The following GSTM3 variants were observed in gnomAD, a reference collection of about 807,000 sequenced individuals.
The protein encoded by GSTM3 is glutathione S-transferase mu 3.
Under a neutral mutation model 36.1 loss-of-function variants are expected in GSTM3, and 34 were observed. The ratio of observed to expected loss-of-function variants is 0.94; its 90% confidence interval spans 0.72 to 1.25. GSTM3 has a LOEUF of 1.25. GSTM3 is among the 50% of genes most tolerant of loss of function. The probability of loss-of-function intolerance (pLI) is 0.00; values close to 1 mark genes in which losing one functional copy is unlikely to be tolerated. For synonymous variants in GSTM3, 102 were observed against 99.5 expected (o/e 1.03, Z -0.15); for missense variants, 266 against 281.6 (o/e 0.94, Z 0.40).
Position 109,736,011 on chromosome 1 carries a change from A to G in GSTM3, c.*1060T>C, listed in dbSNP as rs1649190510. ...ATTTAAATTTTACAATTGTCCTCCA[A>G]AGTAGCTATACTAATTTACAACTTG... On this transcript the variant is annotated 3_prime_UTR_variant, in exon 9 of 9. Coordinates refer to ENST00000361066, the MANE Select transcript of GSTM3 (RefSeq NM_000849.5). The G allele has an allele frequency of 6.6e-6, 1 of 152,132 alleles. No homozygotes were observed. The allele number at this position is 152,132 out of a possible 1,614,324, so 9.4% of individuals were successfully genotyped here. A position where few individuals can be genotyped will look rare whatever the true frequency, so the allele number is the denominator to read the frequency against.
chr1:109,739,598 G>T, intron 3 of GSTM3, 105 bp from the exon 4 acceptor site: 1 of 857,200 alleles, frequency 1.2e-6, no homozygotes, highest in South Asian at 1.5e-5. Flanking sequence ...AAATTCCCAG[G>T]CCCCAAAAGC....
At chr1:109,738,027 T>C (rs1649255315) in intron 6 of GSTM3, 64 bp downstream of exon 6, 1 of 1,010,112 alleles carries the variant, frequency 9.9e-7, no homozygotes, top group Non-Finnish European at 1.6e-6. Flanking sequence ...GAGATAACCC[T>C]TGGGTTCCTA....
At position 109,738,366 on chromosome 1, in the gene GSTM3, G is replaced by A. The variant is rs1019761593; in HGVS notation, c.190C>T (p.Leu64=). 1 of 1,610,268 alleles carries A rather than the reference G, an allele frequency of 6.2e-7. No individual in the cohort carries two copies. Among genetic ancestry groups the A allele is most frequent in the African/African-American group, 1.3e-5 (1 of 74,962 alleles). ...KFKLDLDFPN[L]PYLLDGKNKI... is the part of the protein sequence containing the mutation. ...TTCTTCCCATCCAGGAGGTAGGGCAGCTGAAAGGAAAAGGACAGGACAAAT... is the reference window on the plus strand; with the variant it reads ...TTCTTCCCATCCAGGAGGTAGGGCAACTGAAAGGAAAAGGACAGGACAAAT... Residue 64 remains leucine (L), a splice_region_variant and synonymous_variant, in exon 5 of 9, where the codon CTG becomes TTG. Coordinates refer to ENST00000361066, the MANE Select transcript of GSTM3 (RefSeq NM_000849.5).
At position 109,740,415 on chromosome 1, in the gene GSTM3, TGCCTCCGC is replaced by T. The variant is rs2101354879; in HGVS notation, c.-136_-129del. On this transcript the variant is annotated 5_prime_UTR_variant, in exon 2 of 9. Transcript: ENST00000361066. ...CGCCTCCGCCCCGTTCTCCGTCCCTTGCCTCCGCGGCTCCACAGGGCCGTGCGCAGGCG... is the reference window on the plus strand; with the variant it reads ...CGCCTCCGCCCCGTTCTCCGTCCCTTGGCTCCACAGGGCCGTGCGCAGGCG... The T allele has an allele frequency of 2.5e-6, 2 of 784,662 alleles. No individual in the cohort carries two copies. Among genetic ancestry groups the T allele is most frequent in the Admixed American group, 4.9e-5 (2 of 40,642 alleles). The allele number at this position is 784,662 out of a possible 1,614,324, so 48.6% of individuals were successfully genotyped here. A position where few individuals can be genotyped will look rare whatever the true frequency, so the allele number is the denominator to read the frequency against.
At position 109,735,200 on chromosome 1, in the gene GSTM3, G is replaced by A. The variant is rs1357292067; in HGVS notation, c.*1871C>T. On this transcript the variant is annotated 3_prime_UTR_variant, in exon 9 of 9. Coordinates refer to ENST00000361066, the MANE Select transcript of GSTM3 (RefSeq NM_000849.5). The stretch of plus-strand genomic sequence containing the variant: ...ATCTTTTTTATTTTTTTAAGAGACA[G>A]GGTCTTGCTCAGTCACCCAGATTGG... 1 of 152,138 alleles carries A rather than the reference G, an allele frequency of 6.6e-6. No individual in the cohort carries two copies. Among genetic ancestry groups the A allele is most frequent in the Non-Finnish European group, 1.5e-5 (1 of 68,046 alleles). The allele number at this position is 152,138 out of a possible 1,614,324, so 9.4% of individuals were successfully genotyped here.
At chr1:109,739,942 T>G (rs753022406) in intron 2 of GSTM3, 34 bp from the exon 3 acceptor site, 4 of 1,446,876 alleles carry the variant, frequency 2.8e-6, no homozygotes. Flanking sequence ...ACTGCGCAGC[T>G]CCCACCCATT....
At chr1:109,739,721 T>G in intron 3 of GSTM3, 112 bp downstream of exon 3, 1 of 808,354 alleles carries the variant, frequency 1.2e-6, no homozygotes, top group South Asian at 1.6e-5. Context: ...TCACCCAGAT[T>G]GGGGCAAACG....
At chr1:109,740,002 G>T in intron 2 of GSTM3, 94 bp from the exon 3 acceptor site, 2 of 1,103,756 alleles carry the variant, frequency 1.8e-6, no homozygotes, top group Non-Finnish European at 2.7e-6. Context: ...CCGAGTCCCT[G>T]CGTCCTGCCG....
rs747271780 is a variant in GSTM3, at chr1:109,735,633, G to GAGTTTTTTTTT, written c.*1437_*1438insAAAAAAAAACT. 8.2e-5 allele frequency: 5 copies of GAGTTTTTTTTT among 60,720 alleles called. 2 individuals carry two copies. The highest frequency in any genetic ancestry group is 1.1e-4 in the Non-Finnish European group (3 of 28,564). 3.8% of individuals were successfully genotyped at this position (60,720 alleles called of 1,614,324 possible). Reference sequence around the variant, plus strand: ...CATCTTAGTATATGTCTCTTTGAATGTTTTTTTTTTTTTTTTTTTTTTTTT... The same window carrying GAGTTTTTTTTT: ...CATCTTAGTATATGTCTCTTTGAATGAGTTTTTTTTTTTTTTTTTTTTTTTTTTTTTTTTTT... On this transcript the variant is annotated 3_prime_UTR_variant, in exon 9 of 9. Coordinates refer to ENST00000361066, the MANE Select transcript of GSTM3 (RefSeq NM_000849.5).
chr1:109,738,883 G>A (rs1649287304), intron 4 of GSTM3, among the ~76,000 whole-genome samples: 1 of 152,202 alleles, frequency 6.6e-6, no homozygotes, highest in Non-Finnish European at 1.5e-5. Context: ...CACTTTGGAA[G>A]GCCGAGGTGG....
In GSTM3 at chr1:109,736,597, A is replaced by G. The variant is rs1453669090; in HGVS notation, c.*474T>C. ...TGGGGCTCTATTATTTTTAATGAGTAAGCAATTGTCCCAACTCTATTGGCT... is the reference window on the plus strand; with the variant it reads ...TGGGGCTCTATTATTTTTAATGAGTGAGCAATTGTCCCAACTCTATTGGCT... On this transcript the variant is annotated 3_prime_UTR_variant, in exon 9 of 9. Transcript: ENST00000361066. 1 of 152,592 alleles carries G rather than the reference A, an allele frequency of 6.6e-6. No individual in the cohort carries two copies. Among genetic ancestry groups the G allele is most frequent in the Non-Finnish European group, 1.5e-5 (1 of 68,340 alleles). 9.5% of individuals were successfully genotyped at this position (152,592 alleles called of 1,614,324 possible). A position where few individuals can be genotyped will look rare whatever the true frequency, so the allele number is the denominator to read the frequency against.
In GSTM3 at chr1:109,740,457, G is replaced by A; in HGVS notation, c.-170C>T. On this transcript the variant is annotated 5_prime_UTR_variant, in exon 2 of 9. Coordinates refer to ENST00000361066, the MANE Select transcript of GSTM3 (RefSeq NM_000849.5). ...AGGGCCGTGCGCAGGCGCGACTAAT[G>A]CCGGCGTTGGGGTTCAGGGCCTGGC... 1 of 624,960 alleles carries A rather than the reference G, an allele frequency of 1.6e-6. No homozygotes were observed. Among genetic ancestry groups the A allele is most frequent in the Non-Finnish European group, 2.8e-6 (1 of 360,228 alleles). 38.7% of individuals were successfully genotyped at this position (624,960 alleles called of 1,614,324 possible). A position where few individuals can be genotyped will look rare whatever the true frequency, so the allele number is the denominator to read the frequency against.
In GSTM3 at chr1:109,739,825, G is replaced by A. The variant is rs1649313730; in HGVS notation, c.124+8C>T. On this transcript the variant is annotated splice_region_variant and intron_variant, in intron 3 of 8. Coordinates refer to ENST00000361066, the MANE Select transcript of GSTM3 (RefSeq NM_000849.5). ...GCTTGGCTGCACGGGCACGCGGAGC[G>A]GCATTACCTTCCCCGCACGTGTACC... 7 of 1,542,376 alleles carry A rather than the reference G, an allele frequency of 4.5e-6. No homozygotes were observed. Among genetic ancestry groups the A allele is most frequent in the African/African-American group, 1.4e-5 (1 of 72,906 alleles).
intron 2 of GSTM3, 37 bp downstream of exon 2, chr1:109,740,202 CT>C: frequency 6.3e-7 from 1 of 1,594,124 alleles, no homozygotes; most frequent in East Asian, 2.2e-5. Context: ...GCGTCAGTCT[CT>C]TTGACCGAGC....
rs559898749 is a variant in GSTM3 at position 109,734,258 on chromosome 1, G to C, written c.*2813C>G. ...TTATAATGAGCTGGGTTAAATTAGG[G>C]ACATTTAGGCTGATTTATTGTGCCC... is the stretch of plus-strand genomic sequence containing the variant. On this transcript the variant is annotated 3_prime_UTR_variant, in exon 9 of 9. Transcript: ENST00000361066. 9 of 152,200 alleles carry C rather than the reference G, an allele frequency of 5.9e-5. No individual in the cohort carries two copies. Among genetic ancestry groups the C allele is most frequent in the Admixed American group, 1.3e-4 (2 of 15,282 alleles). The allele number at this position is 152,200 out of a possible 1,614,324, so 9.4% of individuals were successfully genotyped here.
At position 109,739,504 on chromosome 1, in the gene GSTM3, C is replaced by T. The variant is rs200315626; in HGVS notation, c.125-11G>A. On this transcript the variant is annotated splice_polypyrimidine_tract_variant and intron_variant, in intron 3 of 8. Coordinates refer to ENST00000361066, the MANE Select transcript of GSTM3 (RefSeq NM_000849.5). ...GATCATAGTCAGGAGCTGTAAGAGACGGAATTAAGTGGGACCCAACCTCCT... is the reference window on the plus strand; with the variant it reads ...GATCATAGTCAGGAGCTGTAAGAGATGGAATTAAGTGGGACCCAACCTCCT... 37 of 1,607,264 alleles carry T rather than the reference C, an allele frequency of 2.3e-5. No homozygotes were observed. The highest frequency in any genetic ancestry group is 1.9e-4 in the African/African-American group (14 of 74,866).
intron 3 of GSTM3, 37 bp from the exon 4 acceptor site, chr1:109,739,530 T>C (rs1553239262): frequency 6.8e-7 from 1 of 1,460,290 alleles, no homozygotes; most frequent in Admixed American, 1.7e-5. Context: ...CCAACCTCCT[T>C]AATACCCCAC....
intron 4 of GSTM3, among the ~76,000 whole-genome samples, chr1:109,739,219 C>G (rs1343957827): frequency 6.6e-6 from 1 of 152,170 alleles, no homozygotes; most frequent in Non-Finnish European, 1.5e-5. Context: ...CTTATTGTCT[C>G]TCTTCACAAT....
chr1:109,737,264 C>G (rs1222881274), intron 8 of GSTM3, 95 bp from the exon 9 acceptor site: 2 of 927,196 alleles, frequency 2.2e-6, no homozygotes. Context: ...CTGCGTCTAC[C>G]TCCTCCATTT....
Sources: allele counts gnomAD v4.1 joint callset (sites outside exome capture counted in the v4.1 genomes callset), GRCh38; gene constraint gnomAD v4.1.1; transcripts MANE v1.5; gene names NCBI Gene and HGNC (gene_info 2026-07-23, HGNC 2026-07-21).